Variants in MDGA2 observed in about 807,000 individuals in gnomAD.
The protein encoded by MDGA2 is MAM domain containing glycosylphosphatidylinositol anchor 2.
MDGA2 carries 40 observed loss-of-function variants against 117.8 expected under a neutral mutation model. That is an observed-to-expected ratio of 0.34 (90% CI 0.26 to 0.44). MDGA2 has a LOEUF of 0.44. MDGA2 is among the 20% of genes least tolerant of loss of function. MDGA2 has a pLI of 1.00. For synonymous variants in MDGA2, 452 were observed against 439.0 expected (o/e 1.03, Z -0.37); for missense variants, 1,123 against 1,250.6 (o/e 0.90, Z 1.54).
intron 8 of MDGA2, among the ~76,000 whole-genome samples, chr14:46,961,931 C>T (rs747463992): frequency 1.1e-4 from 17 of 152,106 alleles, no homozygotes; most frequent in Non-Finnish European, 2.2e-4. Context: ...CGTGAGCCAC[C>T]GCACCGGGCC....
intron 4 of MDGA2, among the ~76,000 whole-genome samples, chr14:47,137,147 G>A (rs1038297134): frequency 1.3e-5 from 2 of 152,076 alleles, no homozygotes; most frequent in African/African-American, 2.4e-5. Flanking sequence ...TATGAATTTG[G>A]TGGTAATATT....
chr14:47,461,265 A>ATGTGTGTGTGTG lies in MDGA2; in HGVS notation c.281-159716_281-159715insCACACACACACA, dbSNP rs1415422668. ...ATTCCATGTAGTCCAAGTTAAAAAA[A>ATGTGTGTGTGTG]TGTATGTGTGTGTGTGTGTGTGTGT... On this transcript the variant is annotated intron_variant, in intron 1 of 16. Transcript: ENST00000399232. 7.1e-3 allele frequency among the ~76,000 whole-genome samples: 95 copies of ATGTGTGTGTGTG among 13,296 alleles called. 1 individual carries two copies. The highest frequency in any genetic ancestry group is 0.045 in the Middle Eastern group (1 of 22). The allele number at this position is 13,296 out of a possible 152,430, so 8.7% of individuals were successfully genotyped here. A position where few individuals can be genotyped will look rare whatever the true frequency, so the allele number is the denominator to read the frequency against.
At chr14:46,981,449 G>A (rs1388073485) in intron 8 of MDGA2, among the ~76,000 whole-genome samples, 1 of 152,014 alleles carries the variant, frequency 6.6e-6, no homozygotes, top group African/African-American at 2.4e-5. Context: ...ATAAATTTAT[G>A]CTTTTATTAC....
chr14:47,540,274 A>G (rs908443535), intron 1 of MDGA2, among the ~76,000 whole-genome samples: 30 of 152,052 alleles, frequency 2.0e-4, no homozygotes, highest in Middle Eastern at 3.4e-3. Context: ...CGGCCTCCCA[A>G]AGTGCTGGGA....
At position 47,134,824 on chromosome 14, in the gene MDGA2, C is replaced by G. The variant is rs533116711; in HGVS notation, c.793-2978G>C. ...CACACATAATTACTCCAAAAATAACCAACCTCTAATCATTCTGAAAGATTT... is the reference window on the plus strand; with the variant it reads ...CACACATAATTACTCCAAAAATAACGAACCTCTAATCATTCTGAAAGATTT... On this transcript the variant is annotated intron_variant, in intron 4 of 16. Transcript: ENST00000399232. 2.5e-4 allele frequency among the ~76,000 whole-genome samples: 37 copies of G among 149,838 alleles called. 1 individual carries two copies. The highest frequency in any genetic ancestry group is 9.1e-4 in the African/African-American group (37 of 40,828).
chr14:46,890,264 G>T (rs368192333), intron 10 of MDGA2, among the ~76,000 whole-genome samples: 1 of 151,890 alleles, frequency 6.6e-6, no homozygotes, highest in Non-Finnish European at 1.5e-5. Context: ...GGTGTAGGTT[G>T]GTCTTCCCAT....
At chr14:47,248,057 T>A (rs950349407) in intron 2 of MDGA2, among the ~76,000 whole-genome samples, 1 of 151,694 alleles carries the variant, frequency 6.6e-6, no homozygotes, top group Non-Finnish European at 1.5e-5. Flanking sequence ...TGATGGGCAT[T>A]TGGATTGGTT....
At chr14:46,971,040 C>G (rs1886241827) in intron 8 of MDGA2, among the ~76,000 whole-genome samples, 1 of 151,636 alleles carries the variant, frequency 6.6e-6, no homozygotes, top group African/African-American at 2.4e-5. Context: ...AGACAAAAAA[C>G]AAAACAAAAC....
chr14:46,905,115 T>C (rs1366858201), intron 10 of MDGA2, among the ~76,000 whole-genome samples: 1 of 152,352 alleles, frequency 6.6e-6, no homozygotes, highest in African/African-American at 2.4e-5. Context: ...TTATCTTTTA[T>C]TTCATATTTC....
chr14:46,964,635 T>A (rs1747921059), intron 8 of MDGA2, among the ~76,000 whole-genome samples: 1 of 152,198 alleles, frequency 6.6e-6, no homozygotes, highest in Admixed American at 6.5e-5. Context: ...TTGTTGCAAT[T>A]TAATAGCTCA....
At chr14:47,550,350 G>A (rs1238008301) in intron 1 of MDGA2, among the ~76,000 whole-genome samples, 4 of 152,162 alleles carry the variant, frequency 2.6e-5, no homozygotes, top group Non-Finnish European at 5.9e-5. Flanking sequence ...ATCCCACTGT[G>A]GCTGTGGCTA....
At chr14:47,108,812 G>A (rs1374597639) in intron 5 of MDGA2, among the ~76,000 whole-genome samples, 1 of 152,166 alleles carries the variant, frequency 6.6e-6, no homozygotes, top group Non-Finnish European at 1.5e-5. Context: ...AAAAGCTAGA[G>A]AAACAGAACT....
intron 8 of MDGA2, among the ~76,000 whole-genome samples, chr14:46,981,902 A>G (rs1459466753): frequency 2.6e-5 from 4 of 152,202 alleles, no homozygotes; most frequent in African/African-American, 9.7e-5. Context: ...GAATGATTCT[A>G]CAAACAAAAT....
At chr14:47,431,163 A>G (rs994906215) in intron 1 of MDGA2, among the ~76,000 whole-genome samples, 3 of 152,052 alleles carry the variant, frequency 2.0e-5, no homozygotes, top group Non-Finnish European at 2.9e-5. Context: ...ATAAGTATAT[A>G]TTCATATTCC....
At chr14:47,540,540 G>GTGTGTGTGTATATATATATA in intron 1 of MDGA2, among the ~76,000 whole-genome samples, 17 of 79,212 alleles carry the variant, frequency 2.1e-4, no homozygotes, top group African/African-American at 5.9e-4. Flanking sequence ...GTGTGTGTGT[G>GTGTGTGTGTATATATATATA]TATATATATA....
At chr14:47,043,909 A>G (rs1442375772) in intron 7 of MDGA2, among the ~76,000 whole-genome samples, 1 of 152,094 alleles carries the variant, frequency 6.6e-6, no homozygotes, top group African/African-American at 2.4e-5. Flanking sequence ...TGATTTCTGC[A>G]TCTTTTATTC....
chr14:47,077,934 T>A (rs1243830141), intron 6 of MDGA2, among the ~76,000 whole-genome samples: 1 of 152,076 alleles, frequency 6.6e-6, no homozygotes, highest in Non-Finnish European at 1.5e-5. Flanking sequence ...GAAAACTCTC[T>A]TACAACAAAC....
intron 1 of MDGA2, among the ~76,000 whole-genome samples, chr14:47,392,372 T>C (rs922857680): frequency 6.6e-6 from 1 of 152,164 alleles, no homozygotes; most frequent in Non-Finnish European, 1.5e-5. Flanking sequence ...GTTTTGCTGA[T>C]GTCTCATGAC....
chr14:46,921,987 G>T (rs1884150168), intron 9 of MDGA2, among the ~76,000 whole-genome samples: 1 of 151,910 alleles, frequency 6.6e-6, no homozygotes, highest in Admixed American at 6.6e-5. Context: ...GAAACCTAAG[G>T]GTGATTGATT....
Sources: gnomAD v4.1 joint callset for allele counts (sites outside exome capture counted in the v4.1 genomes callset) on GRCh38, gnomAD v4.1.1 for gene constraint, MANE v1.5 for transcripts, NCBI Gene and HGNC (gene_info 2026-07-23, HGNC 2026-07-21) for gene names.